BTK: variants seen among roughly 807,000 people sequenced by gnomAD.
BTK encodes the protein tyrosine-protein kinase BTK.
Under a neutral mutation model 57.4 loss-of-function variants are expected in BTK, and 5 were observed. That is an observed-to-expected ratio of 0.09 (90% confidence interval 0.05 to 0.18). The LOEUF is 0.18. Ranked by LOEUF, BTK falls within the 10% of genes least tolerant of loss-of-function variation. The probability of loss-of-function intolerance (pLI) is 1.00; values close to 1 mark genes in which losing one functional copy is unlikely to be tolerated. For missense variants in BTK, 194 were observed against 501.2 expected, an observed-to-expected ratio of 0.39 and a Z score of 5.85; for synonymous variants, 154 against 174.3, an observed-to-expected ratio of 0.88 and a Z score of 0.92.
intron 1 of BTK, among the ~76,000 whole-genome samples, chrX:101,379,229 C>T (rs1927328741): frequency 9.2e-6 from 1 of 108,903 alleles, no homozygotes; most frequent in African/African-American, 3.3e-5. Flanking sequence ...GAAAACTACA[C>T]AGCCAGCCTA....
In BTK at chrX:101,386,137, A is replaced by G. The variant is rs1555982452; in HGVS notation, c.-106T>C. The G allele has an allele frequency of 1.8e-5, 2 of 111,835 alleles. No homozygotes were observed. Among genetic ancestry groups the G allele is most frequent in the African/African-American group, 6.5e-5 (2 of 30,651 alleles). The allele number at this position is 111,835 out of a possible 1,213,427, so 9.2% of individuals were successfully genotyped here. A position where few individuals can be genotyped will look rare whatever the true frequency, so the allele number is the denominator to read the frequency against. On this transcript the variant is annotated 5_prime_UTR_variant, in exon 1 of 19. Transcript: ENST00000308731. ...GACTTGGAAGGTGGGACTCGATCGC[A>G]GCAGACACTGGCCCTGGAGACATAT...
At chrX:101,381,024 A>G (rs1282274087) in intron 1 of BTK, among the ~76,000 whole-genome samples, 2 of 107,891 alleles carry the variant, frequency 1.9e-5, no homozygotes, top group Non-Finnish European at 3.8e-5. Context: ...AAAAAAAAAA[A>G]AAAAGAAAAT....
intron 1 of BTK, among the ~76,000 whole-genome samples, chrX:101,382,428 G>C (rs190717702): frequency 9.0e-6 from 1 of 110,524 alleles, no homozygotes; most frequent in East Asian, 2.8e-4. Flanking sequence ...CCAGTTTCAA[G>C]CAATTCTCTT....
chrX:101,353,172 G>A, intron 18 of BTK, 22 bp downstream of exon 18: 1 of 1,202,760 alleles, frequency 8.3e-7, no homozygotes, highest in Non-Finnish European at 1.1e-6. Flanking sequence ...AATAATTTAA[G>A]AGATCCTAAT....
chrX:101,359,407 C>A (rs1184125104), intron 9 of BTK, 60 bp from the exon 10 acceptor site: 9 of 1,071,295 alleles, frequency 8.4e-6, no homozygotes, highest in Admixed American at 2.2e-5. Context: ...GAGGTTACAG[C>A]ACCCTCCAGG....
chrX:101,376,400 G>A (rs1963534470), intron 1 of BTK, among the ~76,000 whole-genome samples: 1 of 111,994 alleles, frequency 8.9e-6, no homozygotes, highest in East Asian at 2.8e-4. Context: ...GGCCGAGGCT[G>A]GCGGATCACC....
upstream of BTK, among the ~76,000 whole-genome samples, chrX:101,387,475 C>T (rs782373484): frequency 2.8e-5 from 3 of 107,090 alleles, no homozygotes; most frequent in South Asian, 1.3e-3. Flanking sequence ...CCTCAGTCAC[C>T]CTAGTACCTG....
intron 4 of BTK, 138 bp from the exon 5 acceptor site, chrX:101,370,217 G>A (rs868906708): frequency 7.3e-6 from 4 of 545,214 alleles, no homozygotes; most frequent in Middle Eastern, 4.6e-4. Flanking sequence ...GTCAGCAATG[G>A]TGTTCAGGTT....
intron 1 of BTK, among the ~76,000 whole-genome samples, chrX:101,381,285 A>G (rs1442527031): frequency 5.4e-5 from 6 of 111,651 alleles, no homozygotes; most frequent in Admixed American, 4.8e-4. Flanking sequence ...TTGATCTCAG[A>G]ATGAATTCTC....
chrX:101,386,360 C>T (rs1232156350), upstream of BTK: 1 of 111,221 alleles, frequency 9.0e-6, no homozygotes, highest in African/African-American at 3.3e-5. Context: ...TCTGACACTA[C>T]TATCTTGAGT....
intron 1 of BTK, among the ~76,000 whole-genome samples, chrX:101,383,503 C>A (rs1927517890): frequency 9.0e-6 from 1 of 110,514 alleles, no homozygotes; most frequent in Admixed American, 9.7e-5. Flanking sequence ...CATTTCTAAT[C>A]ATTTTTAAAA....
chrX:101,366,250 C>T (rs868978545), intron 5 of BTK, among the ~76,000 whole-genome samples: 1 of 110,491 alleles, frequency 9.1e-6, no homozygotes, highest in South Asian at 3.8e-4. Flanking sequence ...CCAGCCTGCA[C>T]GATAGAGCAA....
chrX:101,367,224 A>G (rs1404649603), intron 5 of BTK, among the ~76,000 whole-genome samples: 1 of 105,451 alleles, frequency 9.5e-6, no homozygotes, highest in Non-Finnish European at 1.9e-5. Context: ...AGCCTGGGCA[A>G]CAGAGTGAGA....
At chrX:101,358,146 TG>T in intron 12 of BTK, 163 bp downstream of exon 12, 2 of 754,869 alleles carry the variant, frequency 2.6e-6, no homozygotes, top group Non-Finnish European at 4.1e-6. Flanking sequence ...GGTGTAGGTC[TG>T]CCTCTGACCA....
chrX:101,390,358 C>A, upstream of BTK: 2 of 458,817 alleles, frequency 4.4e-6, no homozygotes, highest in Non-Finnish European at 7.8e-6. Flanking sequence ...TTTTCAGAAC[C>A]TAGAGCTGCT....
chrX:101,371,250 A>G (rs1339524826), intron 4 of BTK, among the ~76,000 whole-genome samples: 1 of 111,873 alleles, frequency 8.9e-6, no homozygotes, highest in Non-Finnish European at 1.9e-5. Context: ...GAACTTCCTA[A>G]TACTACTCCC....
At chrX:101,363,458 C>T (rs908028163) in intron 5 of BTK, among the ~76,000 whole-genome samples, 2 of 111,690 alleles carry the variant, frequency 1.8e-5, no homozygotes, top group Admixed American at 9.5e-5. Flanking sequence ...CGGTGGCTCA[C>T]GCCTGTAATC....
At chrX:101,379,099 G>A (rs913965121) in intron 1 of BTK, among the ~76,000 whole-genome samples, 6 of 107,705 alleles carry the variant, frequency 5.6e-5, no homozygotes, top group African/African-American at 1.4e-4. Flanking sequence ...GCTTGAACTC[G>A]GGAGGCGGAG....
chrX:101,360,000 T>TA, intron 9 of BTK, 88 bp downstream of exon 9: 1 of 231,110 alleles, frequency 4.3e-6, no homozygotes, highest in East Asian at 1.1e-4. Flanking sequence ...TAAATATATA[T>TA]AAAATATATA....
Sources: allele counts gnomAD v4.1 joint callset (sites outside exome capture counted in the v4.1 genomes callset), GRCh38; gene constraint gnomAD v4.1.1; transcripts MANE v1.5; gene names NCBI Gene and HGNC (gene_info 2026-07-23, HGNC 2026-07-21).